Variants in FBRSL1 observed in about 807,000 individuals in gnomAD.
FBRSL1 encodes the protein fibrosin like 1, also known as fibrosin-1-like protein.
In FBRSL1, 51 loss-of-function variants were observed where a neutral mutation model predicts 89.6. That is an observed-to-expected ratio of 0.57 (90% confidence interval 0.45 to 0.72). The LOEUF (loss-of-function observed/expected upper bound fraction) is 0.72, where lower values mean the gene tolerates loss of function less well. FBRSL1 is among the 30% of genes least tolerant of loss of function. The pLI, the probability that FBRSL1 is intolerant of heterozygous loss-of-function variation, is 0.00. For synonymous variants in FBRSL1, 779 were observed against 681.1 expected (o/e 1.14, Z -2.24); for missense variants, 1,618 against 1,451.8 (o/e 1.11, Z -1.86).
chr12:132,538,448 C>T (rs959575554), intron 4 of FBRSL1, among the ~76,000 whole-genome samples: 2 of 152,204 alleles, frequency 1.3e-5, no homozygotes, highest in African/African-American at 4.8e-5. Flanking sequence ...AAGGCAAGCA[C>T]GGACTGTGCC....
At position 132,501,208 on chromosome 12, in the gene FBRSL1, CCCAGCCCCTA is replaced by C. The variant is rs1186242708; in HGVS notation, c.292-6934_292-6925del. Among the ~76,000 whole-genome samples, 3 of 152,338 alleles carry C rather than the reference CCCAGCCCCTA, an allele frequency of 2.0e-5. 1 individual carries two copies. In the South Asian group the frequency reaches 6.2e-4, roughly 32 times the overall value. On this transcript the variant is annotated intron_variant, in intron 1 of 18. Transcript: ENST00000680143. Reference sequence around the variant, plus strand: ...CTCGTGGTCCTGTTCACTCTGGGAGCCCAGCCCCTACCAGCCCCTAGCCCCAGGGGTCGTC... The same window carrying C: ...CTCGTGGTCCTGTTCACTCTGGGAGCCCAGCCCCTAGCCCCAGGGGTCGTC...
At chr12:132,541,883 C>A (rs755779543) in intron 4 of FBRSL1, among the ~76,000 whole-genome samples, 14 of 151,552 alleles carry the variant, frequency 9.2e-5, no homozygotes, top group Admixed American at 3.3e-4. Flanking sequence ...TGCCCCATCC[C>A]TTCCAGAGCT....
At chr12:132,510,465 CA>C (rs779285572) in intron 2 of FBRSL1, 470 of 1,231,948 alleles carry the variant, frequency 3.8e-4, no homozygotes, top group Non-Finnish European at 4.1e-4. Flanking sequence ...GGCACCTCCC[CA>C]TATGGGTTTT....
intron 5 of FBRSL1, among the ~76,000 whole-genome samples, chr12:132,564,917 CG>C (rs199849907): frequency 0.02 from 3,014 of 147,702 alleles, 82 homozygotes; most frequent in East Asian, 0.11. Flanking sequence ...GCGTGAGCCG[CG>C]GCCGGCCGCC....
At position 132,571,113 on chromosome 12, in the gene FBRSL1, A is replaced by G. The variant is rs1233933750; in HGVS notation, c.1259A>G (p.Gln420Arg). The change falls in exon 9 of 19, where the codon CAG becomes CGG. Residue 420 changes from glutamine (Q) to arginine (R), a missense_variant. Physicochemically the swap from Gln to Arg is conservative, Grantham distance 43. Transcript: ENST00000680143. ...TTCAGCCAGCCAATCATGTATTGCC[A>G]GCCTCATTCGGGAATTCTGATTGGT... ...VSFSQPIMYC[Q>R]PHSGILIGTW... 1 of 1,369,148 alleles carries G rather than the reference A, an allele frequency of 7.3e-7. No homozygotes were observed. Among genetic ancestry groups the G allele is most frequent in the Non-Finnish European group, 9.4e-7 (1 of 1,062,996 alleles). The allele number at this position is 1,369,148 out of a possible 1,614,324, so 84.8% of individuals were successfully genotyped here. A position where few individuals can be genotyped will look rare whatever the true frequency, so the allele number is the denominator to read the frequency against.
chr12:132,519,347 A>G (rs1038147924), intron 2 of FBRSL1, among the ~76,000 whole-genome samples: 7 of 152,206 alleles, frequency 4.6e-5, no homozygotes, highest in Non-Finnish European at 1.0e-4. Context: ...GAACGGTTTC[A>G]GGAAGAAGCA....
At chr12:132,544,193 C>T (rs1449056789) in intron 4 of FBRSL1, among the ~76,000 whole-genome samples, 1 of 152,176 alleles carries the variant, frequency 6.6e-6, no homozygotes, top group Non-Finnish European at 1.5e-5. Flanking sequence ...ACCAGACTGA[C>T]TGAGGGCGTG....
chr12:132,568,610 G>A (rs989745906), intron 6 of FBRSL1, among the ~76,000 whole-genome samples: 9 of 152,258 alleles, frequency 5.9e-5, no homozygotes, highest in Admixed American at 1.3e-4. Flanking sequence ...GGCCCCGCAC[G>A]TGGGGTCTAG....
Position 132,583,270 on chromosome 12 carries a change from C to A in FBRSL1, c.2501C>A (p.Ala834Glu). 1 of 1,297,424 alleles carries A rather than the reference C, an allele frequency of 7.7e-7. No homozygotes were observed. Among genetic ancestry groups the A allele is most frequent in the Non-Finnish European group, 9.8e-7 (1 of 1,022,518 alleles). The allele number at this position is 1,297,424 out of a possible 1,614,324, so 80.4% of individuals were successfully genotyped here. ...CCCCCGGCGGGCGGCCTGCACCCCGCGCCCCTGCAGCTCGGCCTGGGCCGC... is the reference window on the plus strand; with the variant it reads ...CCCCCGGCGGGCGGCCTGCACCCCGAGCCCCTGCAGCTCGGCCTGGGCCGC... ...SEPPAGGLHP[A>E]PLQLGLGRER... Residue 834 changes from alanine to glutamate, a missense_variant, in exon 19 of 19, where the codon GCG becomes GAG. By Grantham distance (107) the Ala-to-Glu change is moderately radical. Transcript: ENST00000680143.
intron 5 of FBRSL1, chr12:132,565,432 T>G (rs1363465508): frequency 6.6e-6 from 1 of 152,068 alleles, no homozygotes; most frequent in Non-Finnish European, 1.5e-5. Flanking sequence ...GCCACCCAGG[T>G]ACACACACCC....
intron 15 of FBRSL1, among the ~76,000 whole-genome samples, chr12:132,579,668 A>T (rs932105553): frequency 6.6e-6 from 1 of 152,146 alleles, no homozygotes; most frequent in Non-Finnish European, 1.5e-5. Flanking sequence ...TTTGTTCCAG[A>T]TGAGTTTCCT....
intron 1 of FBRSL1, among the ~76,000 whole-genome samples, chr12:132,503,886 C>G (rs1160192775): frequency 1.3e-5 from 2 of 152,204 alleles, no homozygotes; most frequent in African/African-American, 4.8e-5. Flanking sequence ...AGCCAAGCAG[C>G]TGCAGCCTCC....
At chr12:132,548,621 G>A (rs1024239344) in intron 5 of FBRSL1, among the ~76,000 whole-genome samples, 3 of 152,200 alleles carry the variant, frequency 2.0e-5, no homozygotes, top group African/African-American at 7.2e-5. Context: ...CTTCTGCCCC[G>A]CTTGCCCCAG....
chr12:132,544,301 G>A (rs948232908), intron 4 of FBRSL1, among the ~76,000 whole-genome samples: 2 of 152,166 alleles, frequency 1.3e-5, no homozygotes, highest in Non-Finnish European at 2.9e-5. Flanking sequence ...GCAGACCATG[G>A]TACAGGGAGC....
Position 132,561,269 on chromosome 12 carries a change from C to T in FBRSL1, c.646-6212C>T, listed in dbSNP as rs566530283. Among the ~76,000 whole-genome samples the T allele has an allele frequency of 3.1e-3, 473 of 152,350 alleles. 2 individuals are homozygous for T. The highest frequency in any genetic ancestry group is 6.8e-3 in the Middle Eastern group (2 of 294). On this transcript the variant is annotated intron_variant, in intron 5 of 18. Coordinates refer to ENST00000680143, the MANE Select transcript of FBRSL1 (RefSeq NM_001367871.1). ...CACTGTGGCGTGACCAGAATGGGTG[C>T]TGGATGGCCCCAGCCGCGCGGCCCG...
intron 2 of FBRSL1, among the ~76,000 whole-genome samples, chr12:132,518,863 A>G (rs1331159952): frequency 2.7e-5 from 4 of 147,574 alleles, no homozygotes; most frequent in East Asian, 4.1e-4. Context: ...TCATCCACCC[A>G]TCTGTCCATC....
intron 1 of FBRSL1, among the ~76,000 whole-genome samples, chr12:132,501,774 C>G (rs903620521): frequency 6.6e-6 from 1 of 152,146 alleles, no homozygotes; most frequent in Non-Finnish European, 1.5e-5. Flanking sequence ...GGCCACACAG[C>G]AGGGCCCAGC....
chr12:132,583,678 G>A lies in FBRSL1; in HGVS notation c.2909G>A (p.Gly970Glu). The change falls in exon 19 of 19, where the codon GGG becomes GAG. Residue 970 changes from glycine to glutamate, a missense_variant. Coordinates refer to ENST00000680143, the MANE Select transcript of FBRSL1 (RefSeq NM_001367871.1). ...VTAAGPPTPP[G>E]PPRSRTTPLG... is the part of the protein sequence containing the mutation. ...GCGGCCGGGCCCCCCACGCCCCCCGGGCCGCCGCGGAGCCGGACTACTCCG... is the reference window on the plus strand; with the variant it reads ...GCGGCCGGGCCCCCCACGCCCCCCGAGCCGCCGCGGAGCCGGACTACTCCG... The A allele has an allele frequency of 8.8e-7, 1 of 1,132,552 alleles. No homozygotes were observed. The allele number at this position is 1,132,552 out of a possible 1,614,324, so 70.2% of individuals were successfully genotyped here. A position where few individuals can be genotyped will look rare whatever the true frequency, so the allele number is the denominator to read the frequency against.
intron 6 of FBRSL1, among the ~76,000 whole-genome samples, chr12:132,569,191 AAGGAGGGTTTGGGGTGTGCGGGGGTGGG>A (rs2039837601): frequency 6.8e-6 from 1 of 146,940 alleles, no homozygotes; most frequent in Admixed American, 6.7e-5. Flanking sequence ...GGGGCCTGAA[AAGGAGGGTTTGGGGTGTGCGGGGGTGGG>A]GGGGGCAGGC....
Sources: allele counts gnomAD v4.1 joint callset (sites outside exome capture counted in the v4.1 genomes callset), GRCh38; gene constraint gnomAD v4.1.1; transcripts MANE v1.5; gene names NCBI Gene and HGNC (gene_info 2026-07-23, HGNC 2026-07-21).